The following KIAA0753 variants were observed in gnomAD, a reference collection of about 807,000 sequenced individuals.
KIAA0753 encodes protein moonraker.
A neutral mutation model predicts 116.9 loss-of-function variants in KIAA0753; 114 were observed. The observed-to-expected ratio is 0.98, with a 90% confidence interval of 0.84 to 1.14. KIAA0753 has a LOEUF of 1.14. Among genes scored for constraint, KIAA0753 ranks in the 50% most tolerant of loss-of-function variants. KIAA0753 has a pLI of 0.00. For synonymous variants in KIAA0753, 405 were observed against 413.1 expected (o/e 0.98, Z 0.24); for missense variants, 1,156 against 1,172.4 (o/e 0.99, Z 0.20).
intron 18 of KIAA0753, 37 bp from the exon 19 acceptor site, chr17:6,579,901 G>A: frequency 6.6e-7 from 1 of 1,505,902 alleles, no homozygotes; most frequent in South Asian, 1.1e-5. Flanking sequence ...GTATGTACAA[G>A]GCCAGGCGCG....
At chr17:6,624,947 TA>T in intron 3 of KIAA0753, 86 bp from the exon 4 acceptor site, 2 of 882,160 alleles carry the variant, frequency 2.3e-6, no homozygotes, top group South Asian at 3.1e-5. Flanking sequence ...ACAGAAATAA[TA>T]AAGTTGAAGA....
chr17:6,598,052 A>T (rs893098220), intron 14 of KIAA0753, among the ~76,000 whole-genome samples: 1 of 152,246 alleles, frequency 6.6e-6, no homozygotes, highest in African/African-American at 2.4e-5. Context: ...AAATTGTATT[A>T]AACATCATGT....
intron 7 of KIAA0753, among the ~76,000 whole-genome samples, chr17:6,613,977 CTA>C (rs1970715704): frequency 6.6e-6 from 1 of 152,074 alleles, no homozygotes; most frequent in Admixed American, 6.5e-5. Flanking sequence ...AATATCCAGA[CTA>C]TATAAAGAAC....
intron 7 of KIAA0753, among the ~76,000 whole-genome samples, chr17:6,614,417 A>C (rs374823515): frequency 3.9e-5 from 6 of 152,192 alleles, no homozygotes; most frequent in African/African-American, 1.4e-4. Flanking sequence ...GTATATTCAT[A>C]TAAGGGAAAC....
Position 6,620,902 on chromosome 17 carries a change from C to A in KIAA0753, c.1201G>T (p.Ala401Ser). The change falls in exon 7 of 19, where the codon GCC becomes TCC. Residue 401 changes from alanine to serine, a missense_variant. By Grantham distance (99) the Ala-to-Ser change is moderately conservative. Coordinates refer to ENST00000361413, the MANE Select transcript of KIAA0753 (RefSeq NM_014804.3). ...RSRFPIGSQK[A>S]LERWPSTSPK... ...GATGTACTTGGCCATCTCTCCAAGG[C>A]CTTTTGGCTACCGATAGGAAATCTG... 1 of 1,614,114 alleles carries A rather than the reference C, an allele frequency of 6.2e-7. No homozygotes were observed. The highest frequency in any genetic ancestry group is 2.2e-5 in the East Asian group (1 of 44,878).
At chr17:6,621,835 T>TA (rs1971348979) in intron 6 of KIAA0753, among the ~76,000 whole-genome samples, 1 of 152,184 alleles carries the variant, frequency 6.6e-6, no homozygotes, top group African/African-American at 2.4e-5. Context: ...ACGGATACGT[T>TA]AAAAAAGCAT....
rs2150909124 is a variant in KIAA0753, at chr17:6,628,678, A to G, written c.157T>C (p.Cys53Arg). The G allele has an allele frequency of 6.2e-7, 1 of 1,613,994 alleles. No homozygotes were observed. Among genetic ancestry groups the G allele is most frequent in the Non-Finnish European group, 8.5e-7 (1 of 1,179,948 alleles). The change falls in exon 3 of 19, where the codon TGC (cysteine) becomes CGC (arginine). Residue 53 changes from cysteine (C) to arginine (R), a missense_variant. Physicochemically the swap from Cys to Arg is radical, Grantham distance 180. Transcript: ENST00000361413. Reference sequence around the variant, plus strand: ...TTTTCAATTCTAATGGCATGTGGGCAAGAATATCGGATCGCCAAGTTGCTT... The same window carrying G: ...TTTTCAATTCTAATGGCATGTGGGCGAGAATATCGGATCGCCAAGTTGCTT... ...HSSNLAIRYS[C>R]PHAIRIEKLK...
chr17:6,620,421 C>CAT (rs141663097), intron 7 of KIAA0753, among the ~76,000 whole-genome samples: 16,273 of 148,180 alleles, frequency 0.11, 2,037 homozygotes, highest in African/African-American at 0.3. Flanking sequence ...AAAAAAAATA[C>CAT]ATATATATAT....
chr17:6,598,654 G>C (rs1181761336), intron 14 of KIAA0753, among the ~76,000 whole-genome samples: 1 of 152,206 alleles, frequency 6.6e-6, no homozygotes, highest in Non-Finnish European at 1.5e-5. Context: ...TCTAAGCCTA[G>C]GCAAGGCAGA....
In KIAA0753 at chr17:6,628,254, T is replaced by C. The variant is rs377111903; in HGVS notation, c.581A>G (p.His194Arg). 4 of 1,613,944 alleles carry C rather than the reference T, an allele frequency of 2.5e-6. No homozygotes were observed. The African/African-American group carries it at 4.0e-5, about 16-fold the overall frequency. ...DLTVPNSPPT[H>R]DPGLQPHPRI... The stretch of plus-strand genomic sequence containing the variant: ...GGGATGAGGCTGAAGTCCCGGATCA[T>C]GGGTGGGTGGCGAATTTGGCACAGT... Residue 194 changes from histidine (H) to arginine (R), a missense_variant, in exon 3 of 19, where the codon CAT (histidine) becomes CGT (arginine). Coordinates refer to ENST00000361413, the MANE Select transcript of KIAA0753 (RefSeq NM_014804.3).
In KIAA0753 at chr17:6,628,624, G is replaced by T; in HGVS notation, c.211C>A (p.His71Asn). 6.2e-7 allele frequency: 1 copy of T among 1,614,108 alleles called. No individual in the cohort carries two copies. The highest frequency in any genetic ancestry group is 8.5e-7 in the Non-Finnish European group (1 of 1,179,994). ...ACTCTACAATCTGCATCTTTACAAT[G>T]GTATGATTCATTGTATGAGTGCTTC... ...KLKHSYNESY[H>N]CKDADCRVGP... The change falls in exon 3 of 19, where the codon CAT (histidine) becomes AAT (asparagine). Residue 71 changes from histidine (H) to asparagine (N), a missense_variant. His to Asn is a moderately conservative substitution (Grantham distance 68). Coordinates refer to ENST00000361413, the MANE Select transcript of KIAA0753 (RefSeq NM_014804.3).
At chr17:6,584,462 T>C (rs1968418890) in intron 18 of KIAA0753, among the ~76,000 whole-genome samples, 1 of 152,276 alleles carries the variant, frequency 6.6e-6, no homozygotes, top group Non-Finnish European at 1.5e-5. Flanking sequence ...TCACTTTCTA[T>C]ATTCCTATCA....
At chr17:6,581,893 C>T (rs183436727) in intron 18 of KIAA0753, among the ~76,000 whole-genome samples, 24 of 152,244 alleles carry the variant, frequency 1.6e-4, no homozygotes, top group Non-Finnish European at 3.1e-4. Flanking sequence ...TACATTTTTC[C>T]AGCCCCAGGC....
intron 14 of KIAA0753, among the ~76,000 whole-genome samples, chr17:6,598,708 T>A (rs1031206521): frequency 2.6e-5 from 4 of 152,142 alleles, no homozygotes; most frequent in African/African-American, 9.7e-5. Flanking sequence ...AGAGGAAGAG[T>A]ACAGAGTGGA....
At chr17:6,597,250 T>C (rs1408639699) in intron 14 of KIAA0753, among the ~76,000 whole-genome samples, 6 of 152,166 alleles carry the variant, frequency 3.9e-5, no homozygotes, top group Non-Finnish European at 5.9e-5. Flanking sequence ...GAAGAAAATA[T>C]GTTAATGGCC....
chr17:6,610,182 T>C (rs752186569), intron 8 of KIAA0753, 22 bp from the exon 9 acceptor site: 4 of 1,613,008 alleles, frequency 2.5e-6, no homozygotes, highest in Non-Finnish European at 2.5e-6. Context: ...AAGTAAGAAT[T>C]ATAAGGCCAC....
intron 18 of KIAA0753, among the ~76,000 whole-genome samples, chr17:6,588,738 C>T (rs930766956): frequency 3.3e-5 from 5 of 151,840 alleles, no homozygotes; most frequent in African/African-American, 4.8e-5. Context: ...TGATAACTTG[C>T]GAGGAATTTA....
intron 2 of KIAA0753, among the ~76,000 whole-genome samples, chr17:6,630,646 G>C (rs1358459566): frequency 6.6e-6 from 1 of 152,160 alleles, no homozygotes; most frequent in Admixed American, 6.5e-5. Flanking sequence ...TATATTGTTT[G>C]TAACTGTAAA....
At chr17:6,620,679 T>C (rs1355641887) in intron 7 of KIAA0753, 109 bp downstream of exon 7, 2 of 1,027,170 alleles carry the variant, frequency 1.9e-6, no homozygotes, top group Non-Finnish European at 3.0e-6. Flanking sequence ...AGTTCATCTG[T>C]TGTGGGCTAG....
Sources: gnomAD v4.1 joint callset for allele counts (sites outside exome capture counted in the v4.1 genomes callset) on GRCh38, gnomAD v4.1.1 for gene constraint, MANE v1.5 for transcripts, NCBI Gene and HGNC (gene_info 2026-07-23, HGNC 2026-07-21) for gene names.